Variants in PTPN12 observed in about 807,000 individuals in gnomAD.
The protein encoded by PTPN12 is protein tyrosine phosphatase non-receptor type 12.
Under a neutral mutation model 97.6 loss-of-function variants are expected in PTPN12, and 29 were observed. That is an observed-to-expected ratio of 0.30 (90% CI 0.22 to 0.41). The LOEUF is 0.41. PTPN12 is among the 10% of genes least tolerant of loss of function. The pLI, the probability that PTPN12 is intolerant of heterozygous loss-of-function variation, is 1.00. For synonymous variants in PTPN12, 327 were observed against 300.4 expected (o/e 1.09, Z -0.91); for missense variants, 819 against 926.0 (o/e 0.88, Z 1.50).
intron 12 of PTPN12, among the ~76,000 whole-genome samples, chr7:77,619,408 ATC>A (rs2151385155): frequency 6.6e-6 from 1 of 152,274 alleles, no homozygotes; most frequent in South Asian, 2.1e-4. Flanking sequence ...TAACGAAATC[ATC>A]TCTCTGAACA....
rs567523569 is a variant in PTPN12, at chr7:77,632,843, G to T, written c.2074+418G>T. On this transcript the variant is annotated intron_variant, in intron 14 of 17. Coordinates refer to ENST00000248594, the MANE Select transcript of PTPN12 (RefSeq NM_002835.4). The stretch of plus-strand genomic sequence containing the variant: ...ATGGTGGTGGACACCTATAATCTCA[G>T]CTACTTGAGAGGCTGAGGCAGGAAA... 1.3e-5 allele frequency among the ~76,000 whole-genome samples: 2 copies of T among 152,300 alleles called. 1 individual carries two copies. The highest frequency in any genetic ancestry group is 4.1e-4 in the South Asian group (2 of 4,828).
intron 6 of PTPN12, among the ~76,000 whole-genome samples, chr7:77,594,787 C>T (rs980060489): frequency 1.1e-4 from 17 of 152,262 alleles, no homozygotes; most frequent in African/African-American, 4.1e-4. Flanking sequence ...TACAGGCCAC[C>T]ACACCCGGCC....
chr7:77,614,927 A>T (rs1481770127), intron 11 of PTPN12, among the ~76,000 whole-genome samples: 1 of 152,176 alleles, frequency 6.6e-6, no homozygotes, highest in African/African-American at 2.4e-5. Flanking sequence ...TTTTAGTTTG[A>T]TATACTAGTT....
rs1005969114 is a variant in PTPN12, at chr7:77,609,231, T to G, written c.763-1534T>G. ...CAAGACTCCGTCTCAAAAAATAAAATAAAATAAAAGTTGTGTATTTTGAAC... is the reference window on the plus strand; with the variant it reads ...CAAGACTCCGTCTCAAAAAATAAAAGAAAATAAAAGTTGTGTATTTTGAAC... On this transcript the variant is annotated intron_variant, in intron 9 of 17. Transcript: ENST00000248594. 6.1e-5 allele frequency among the ~76,000 whole-genome samples: 9 copies of G among 148,662 alleles called. No homozygotes were observed. In the South Asian group the frequency reaches 2.0e-3, roughly 33 times the overall value.
chr7:77,547,576 C>A (rs550139895), intron 1 of PTPN12, among the ~76,000 whole-genome samples: 1 of 151,974 alleles, frequency 6.6e-6, no homozygotes, highest in South Asian at 2.1e-4. Flanking sequence ...CTAATACCTA[C>A]CTGGAAAGAA....
chr7:77,604,041 C>A (rs1788273142), intron 8 of PTPN12, among the ~76,000 whole-genome samples: 1 of 148,806 alleles, frequency 6.7e-6, no homozygotes, highest in African/African-American at 2.5e-5. Flanking sequence ...GCACACACCA[C>A]TACACCCAGC....
chr7:77,581,688 T>C (rs1484703903), intron 3 of PTPN12, among the ~76,000 whole-genome samples, 185 bp downstream of exon 3: 2 of 152,252 alleles, frequency 1.3e-5, no homozygotes, highest in Admixed American at 6.5e-5. Context: ...TATAGATAAA[T>C]AGTTTCTACT....
At chr7:77,631,798 T>C (rs780700691) in intron 13 of PTPN12, among the ~76,000 whole-genome samples, 2 of 152,258 alleles carry the variant, frequency 1.3e-5, no homozygotes, top group African/African-American at 2.4e-5. Flanking sequence ...TCTTTATCTG[T>C]TTTGGAAAAA....
At chr7:77,587,410 C>T (rs1465587216) in intron 5 of PTPN12, among the ~76,000 whole-genome samples, 3 of 151,790 alleles carry the variant, frequency 2.0e-5, no homozygotes, top group African/African-American at 7.3e-5. Context: ...CAGTAGTCCC[C>T]AGTAGTGAGC....
At position 77,627,562 on chromosome 7, in the gene PTPN12, G is replaced by A. The variant is rs779668949; in HGVS notation, c.1883G>A (p.Ser628Asn). 1 of 1,613,954 alleles carries A rather than the reference G, an allele frequency of 6.2e-7. No homozygotes were observed. Among genetic ancestry groups the A allele is most frequent in the African/African-American group, 1.3e-5 (1 of 74,936 alleles). Residue 628 changes from serine to asparagine, a missense_variant, in exon 13 of 18, where the codon AGT (serine) becomes AAT (asparagine). Ser to Asn is a conservative substitution (Grantham distance 46, BLOSUM62 1). Coordinates refer to ENST00000248594, the MANE Select transcript of PTPN12 (RefSeq NM_002835.4). ...AATAAAACTAATATTTCAACAGCAA[G>A]TGCCACAGTTTCTGCTGCCACTAGT... Reference protein sequence around the residue: ...TQNKTNISTASATVSAATSTE... With the variant: ...TQNKTNISTANATVSAATSTE...
intron 13 of PTPN12, among the ~76,000 whole-genome samples, chr7:77,631,634 G>A (rs1169114798): frequency 2.0e-5 from 3 of 152,074 alleles, no homozygotes; most frequent in Admixed American, 2.0e-4. Context: ...CTTACTTAAT[G>A]CACTCTCTTT....
At chr7:77,586,260 G>T (rs1787687890) in intron 5 of PTPN12, among the ~76,000 whole-genome samples, 1 of 152,134 alleles carries the variant, frequency 6.6e-6, no homozygotes, top group Non-Finnish European at 1.5e-5. Flanking sequence ...GGCCTTCCAT[G>T]CCTTAATTTA....
chr7:77,562,915 CAGGAG>C (rs1021185886), intron 1 of PTPN12, among the ~76,000 whole-genome samples: 17 of 124,338 alleles, frequency 1.4e-4, no homozygotes, highest in Admixed American at 2.8e-4. Context: ...CACGAAGGGA[CAGGAG>C]AGAAGAAAAA....
At position 77,638,687 on chromosome 7, in the gene PTPN12, A is replaced by G. The variant is rs761006023; in HGVS notation, c.2237A>G (p.Lys746Arg). 2 of 1,608,256 alleles carry G rather than the reference A, an allele frequency of 1.2e-6. No homozygotes were observed. The highest frequency in any genetic ancestry group is 1.7e-6 in the Non-Finnish European group (2 of 1,178,294). Residue 746 changes from lysine to arginine, a missense_variant, in exon 17 of 18, where the codon AAG (lysine) becomes AGG (arginine). By Grantham distance (26) the Lys-to-Arg change is conservative. Transcript: ENST00000248594. The part of the protein sequence containing the change: ...CIECPPTFSD[K>R]REQISENPTE... The stretch of plus-strand genomic sequence containing the variant: ...GAATGTCCACCTACTTTCAGTGACA[A>G]GAGAGAACAAATATCAGAAAATCCA...
chr7:77,575,629 T>C (rs1157804914), intron 2 of PTPN12, among the ~76,000 whole-genome samples: 2 of 152,240 alleles, frequency 1.3e-5, no homozygotes, highest in African/African-American at 4.8e-5. Flanking sequence ...CCATGAAATT[T>C]ATCCATTTTA....
chr7:77,636,965 A>C, intron 15 of PTPN12, 53 bp from the exon 16 acceptor site: 1 of 1,414,904 alleles, frequency 7.1e-7, no homozygotes, highest in Non-Finnish European at 9.8e-7. Flanking sequence ...GCTTTCTATT[A>C]TTTGTATATA....
At chr7:77,538,314 C>T (rs1022388577) in intron 1 of PTPN12, among the ~76,000 whole-genome samples, 13 of 151,990 alleles carry the variant, frequency 8.6e-5, no homozygotes, top group Non-Finnish European at 2.9e-5. Flanking sequence ...TCTTGGGGTC[C>T]GTGTGACTAT....
At chr7:77,540,822 G>A (rs1806934938) in intron 1 of PTPN12, among the ~76,000 whole-genome samples, 1 of 152,130 alleles carries the variant, frequency 6.6e-6, no homozygotes, top group Admixed American at 6.5e-5. Context: ...TTCTGATGTC[G>A]ATTAAAAATG....
chr7:77,601,238 T>C (rs957551862), intron 8 of PTPN12, among the ~76,000 whole-genome samples: 1 of 152,182 alleles, frequency 6.6e-6, no homozygotes, highest in Non-Finnish European at 1.5e-5. Flanking sequence ...ATGCCCAGGT[T>C]GGAGTGCAGT....
Sources: allele counts gnomAD v4.1 joint callset (sites outside exome capture counted in the v4.1 genomes callset), GRCh38; gene constraint gnomAD v4.1.1; transcripts MANE v1.5; gene names NCBI Gene and HGNC (gene_info 2026-07-23, HGNC 2026-07-21).